RBFOX1: variants seen among roughly 807,000 people sequenced by gnomAD.
RBFOX1 encodes the protein RNA binding fox-1 homolog 1.
RBFOX1 carries 8 observed loss-of-function variants against 57.7 expected under a neutral mutation model. That is an observed-to-expected ratio of 0.14 (90% CI 0.08 to 0.25). The LOEUF (loss-of-function observed/expected upper bound fraction) is 0.25. Among genes scored for constraint, RBFOX1 ranks in the 10% least tolerant of loss-of-function variants. The pLI is 1.00. For missense variants in RBFOX1, 611 were observed against 548.5 expected, an observed-to-expected ratio of 1.11 and a Z score of -1.14; for synonymous variants, 326 against 222.4, an observed-to-expected ratio of 1.47 and a Z score of -4.15.
chr16:7,416,278 A>G (rs371151712), intron 4 of RBFOX1, among the ~76,000 whole-genome samples: 1 of 151,924 alleles, frequency 6.6e-6, no homozygotes, highest in Non-Finnish European at 1.5e-5. Context: ...CTCTCAGACT[A>G]CTCTGTGCCC....
intron 4 of RBFOX1, among the ~76,000 whole-genome samples, chr16:7,252,137 G>A (rs1000418939): frequency 6.6e-6 from 1 of 152,186 alleles, no homozygotes; most frequent in Non-Finnish European, 1.5e-5. Context: ...AGAATTGCAG[G>A]TAGAGCCTAG....
intron 3 of RBFOX1, among the ~76,000 whole-genome samples, chr16:5,657,676 T>TTTCTTTCTTTTCTTTTC (rs1567357046): frequency 1.5e-5 from 1 of 64,810 alleles, no homozygotes; most frequent in African/African-American, 7.3e-5. Context: ...CTTTCTTTTC[T>TTTCTTTCTTTTCTTTTC]TTTCTTTCTT....
At chr16:6,566,827 G>A (rs568138331) in intron 2 of RBFOX1, among the ~76,000 whole-genome samples, 3 of 152,168 alleles carry the variant, frequency 2.0e-5, no homozygotes, top group Non-Finnish European at 4.4e-5. Context: ...ATCTGCAGTA[G>A]CAGTCGAGAC....
At chr16:6,754,090 C>T (rs754267436) in intron 3 of RBFOX1, among the ~76,000 whole-genome samples, 1 of 152,126 alleles carries the variant, frequency 6.6e-6, no homozygotes, top group Non-Finnish European at 1.5e-5. Flanking sequence ...CATAATTTTA[C>T]CTAAGTATTT....
intron 1 of RBFOX1, among the ~76,000 whole-genome samples, chr16:6,089,079 AT>A (rs201754346): frequency 0.062 from 8,473 of 136,080 alleles, 384 homozygotes; most frequent in African/African-American, 0.15. Context: ...AAAAAAAAAA[AT>A]ATATATATAT....
intron 3 of RBFOX1, among the ~76,000 whole-genome samples, chr16:6,656,701 T>C (rs561419164): frequency 1.3e-5 from 2 of 152,254 alleles, no homozygotes; most frequent in African/African-American, 4.8e-5. Flanking sequence ...TGATGAGTTT[T>C]CCCATTTTTT....
At chr16:6,892,775 C>CTCTCTCTCTCTCTCTCTCTCT (rs1567747539) in intron 3 of RBFOX1, among the ~76,000 whole-genome samples, 1 of 84,662 alleles carries the variant, frequency 1.2e-5, no homozygotes, top group African/African-American at 5.1e-5. Flanking sequence ...TCCCTGTCTC[C>CTCTCTCTCTCTCTCTCTCTCT]CTCTCTCTCT....
chr16:7,087,362 G>A (rs1023820993), intron 4 of RBFOX1, among the ~76,000 whole-genome samples: 1 of 152,122 alleles, frequency 6.6e-6, no homozygotes, highest in African/African-American at 2.4e-5. Context: ...ATGGTGTAGT[G>A]CCTGTCTGTT....
At chr16:5,940,104 C>G (rs568005238) in intron 4 of RBFOX1, among the ~76,000 whole-genome samples, 1 of 152,298 alleles carries the variant, frequency 6.6e-6, no homozygotes, top group South Asian at 2.1e-4. Flanking sequence ...CCTGAAGGCT[C>G]ACCCCGTATT....
At chr16:6,387,446 C>G (rs2092354298) in intron 2 of RBFOX1, among the ~76,000 whole-genome samples, 1 of 148,072 alleles carries the variant, frequency 6.8e-6, no homozygotes, top group Non-Finnish European at 1.5e-5. Flanking sequence ...GAAGAGCCAC[C>G]CTAGATATGA....
chr16:6,377,673 T>C (rs1463752989), intron 2 of RBFOX1, among the ~76,000 whole-genome samples: 1 of 152,238 alleles, frequency 6.6e-6, no homozygotes, highest in African/African-American at 2.4e-5. Flanking sequence ...TGCTTTGCTG[T>C]TCTACCCTCT....
chr16:6,736,182 A>AATTTT (rs1030264860), intron 3 of RBFOX1, among the ~76,000 whole-genome samples: 4 of 151,882 alleles, frequency 2.6e-5, no homozygotes, highest in African/African-American at 9.7e-5. Context: ...TAATTTTTTA[A>AATTTT]ATTTTATTTT....
intron 3 of RBFOX1, among the ~76,000 whole-genome samples, chr16:5,821,390 A>G (rs1278381227): frequency 7.2e-6 from 1 of 139,328 alleles, no homozygotes; most frequent in Non-Finnish European, 1.5e-5. Context: ...GTAGCCTTTG[A>G]CTCCTGGACA....
In RBFOX1 at chr16:7,395,156, T is replaced by A. The variant is rs2098120353; in HGVS notation, c.28-122991T>A. Among the ~76,000 whole-genome samples the A allele has an allele frequency of 5.4e-5, 8 of 149,266 alleles. 1 individual carries two copies. The highest frequency in any genetic ancestry group is 1.3e-4 in the Admixed American group (2 of 15,082). On this transcript the variant is annotated intron_variant, in intron 4 of 15. Transcript: ENST00000550418. The stretch of plus-strand genomic sequence containing the variant: ...CTGCTGACTACAGCATATTTCCAAG[T>A]GTGGATTTTTTTTTTTTTTCCCTGA...
chr16:5,965,086 C>T (rs773260761), intron 4 of RBFOX1, among the ~76,000 whole-genome samples: 8 of 152,000 alleles, frequency 5.3e-5, no homozygotes, highest in Non-Finnish European at 8.8e-5. Context: ...CTAAAAATGT[C>T]GAACCCATAG....
rs572667327 is a variant in RBFOX1 at position 5,531,212 on chromosome 16, C to T, written c.258+63958C>T. Among the ~76,000 whole-genome samples the T allele has an allele frequency of 7.9e-5, 12 of 152,170 alleles. No individual in the cohort carries two copies. In the East Asian group the frequency reaches 1.5e-3, roughly 20 times the overall value. On this transcript the variant is annotated intron_variant, in intron 2 of 2. Coordinates refer to the RBFOX1 transcript ENST00000585867. ...TTAGGGGATGCTCAGAGGAGTTGTT[C>T]GTCAGCCCACCTCAGGCACTCTGGG...
At chr16:6,049,332 A>G (rs1393164738) in intron 1 of RBFOX1, among the ~76,000 whole-genome samples, 1 of 152,102 alleles carries the variant, frequency 6.6e-6, no homozygotes, top group Non-Finnish European at 1.5e-5. Flanking sequence ...CTTTAAAAAA[A>G]AAATTCTTTA....
intron 1 of RBFOX1, among the ~76,000 whole-genome samples, chr16:6,223,806 G>A (rs1347733926): frequency 1.3e-5 from 2 of 152,144 alleles, no homozygotes; most frequent in South Asian, 4.1e-4. Flanking sequence ...TAATGCCTAG[G>A]TTTTCTTCTA....
At chr16:7,535,592 C>A (rs922639076) in intron 5 of RBFOX1, among the ~76,000 whole-genome samples, 2 of 152,134 alleles carry the variant, frequency 1.3e-5, no homozygotes, top group African/African-American at 4.8e-5. Flanking sequence ...GATCTTTGTT[C>A]CTTTGTAAAC....
Sources: gnomAD v4.1 joint callset for allele counts (sites outside exome capture counted in the v4.1 genomes callset) on GRCh38, gnomAD v4.1.1 for gene constraint, MANE v1.5 for transcripts, NCBI Gene and HGNC (gene_info 2026-07-23, HGNC 2026-07-21) for gene names.